Variants in POMK observed in about 807,000 individuals in gnomAD.
The protein encoded by POMK is protein O-mannose kinase, also known as Sugen kinase 196.
In POMK, 19 loss-of-function variants were observed where a neutral mutation model predicts 23.0. The observed-to-expected ratio is 0.83, with a 90% CI of 0.58 to 1.21. The LOEUF is 1.21. Ranked by LOEUF, POMK falls within the 50% of genes most tolerant of loss-of-function variation. The pLI is 0.00. For synonymous variants in POMK, 173 were observed against 171.6 expected (o/e 1.01, Z -0.06); for missense variants, 410 against 431.3 (o/e 0.95, Z 0.44).
Position 43,096,234 on chromosome 8 carries a change from G to T in POMK, c.-209-1290G>T, listed in dbSNP as rs1420618140. ...AAGCTCAGGGGCCAGAGAGTGTGGT[G>T]CAGGGAGGGTTTAGGGAAGCAGATA... On this transcript the variant is annotated intron_variant, in intron 1 of 4. Coordinates refer to ENST00000331373, the MANE Select transcript of POMK (RefSeq NM_032237.5). Among the ~76,000 whole-genome samples the T allele has an allele frequency of 2.0e-5, 3 of 152,306 alleles. No homozygotes were observed. The East Asian group carries it at 5.8e-4, about 29-fold the overall frequency.
At chr8:43,111,169 T>C (rs887661661) in intron 4 of POMK, among the ~76,000 whole-genome samples, 3 of 152,148 alleles carry the variant, frequency 2.0e-5, no homozygotes, top group African/African-American at 4.8e-5. Flanking sequence ...GTCCCTTTTC[T>C]AGTCAAAGAA....
At chr8:43,116,935 T>C (rs1811812019) in intron 4 of POMK, among the ~76,000 whole-genome samples, 1 of 151,806 alleles carries the variant, frequency 6.6e-6, no homozygotes, top group Non-Finnish European at 1.5e-5. Flanking sequence ...GCCATTTTTA[T>C]AAGATTTGGG....
At chr8:43,104,992 G>A (rs986714616) in intron 4 of POMK, among the ~76,000 whole-genome samples, 1 of 151,890 alleles carries the variant, frequency 6.6e-6, no homozygotes, top group African/African-American at 2.4e-5. Context: ...GGGGATTATG[G>A]GCAATTTCTT....
At chr8:43,103,965 G>A (rs769643751) in intron 4 of POMK, 135 bp downstream of exon 4, 33 of 871,866 alleles carry the variant, frequency 3.8e-5, no homozygotes, top group Non-Finnish European at 5.6e-5. Context: ...CATTGCATAT[G>A]TGCACCACAT....
At chr8:43,106,068 A>G (rs568394823) in intron 4 of POMK, among the ~76,000 whole-genome samples, 30 of 152,342 alleles carry the variant, frequency 2.0e-4, no homozygotes, top group Admixed American at 1.6e-3. Flanking sequence ...CGGAACCTCC[A>G]TACTGTTTTC....
At chr8:43,100,034 A>T (rs1811406430) in intron 2 of POMK, among the ~76,000 whole-genome samples, 2 of 152,144 alleles carry the variant, frequency 1.3e-5, no homozygotes, top group Non-Finnish European at 2.9e-5. Context: ...TATCTTCATC[A>T]GAGGGACAGA....
chr8:43,108,352 G>A (rs1811585550), intron 4 of POMK, among the ~76,000 whole-genome samples: 1 of 152,210 alleles, frequency 6.6e-6, no homozygotes, highest in African/African-American at 2.4e-5. Context: ...GTTTTCAATA[G>A]TGTCCTGTTA....
At chr8:43,110,874 C>T (rs373735177) in intron 4 of POMK, among the ~76,000 whole-genome samples, 10 of 151,860 alleles carry the variant, frequency 6.6e-5, no homozygotes, top group Admixed American at 3.3e-4. Flanking sequence ...GAGCCGAGAT[C>T]GCGCCATTGC....
intron 2 of POMK, among the ~76,000 whole-genome samples, chr8:43,100,192 G>A (rs1373587094): frequency 6.6e-6 from 1 of 152,118 alleles, no homozygotes; most frequent in African/African-American, 2.4e-5. Context: ...TGGTGGAGCC[G>A]GGAGAGACTG....
At chr8:43,100,250 G>T (rs1811410743) in intron 2 of POMK, among the ~76,000 whole-genome samples, 2 of 152,172 alleles carry the variant, frequency 1.3e-5, no homozygotes, top group Admixed American at 1.3e-4. Context: ...AGAGCATGTG[G>T]TGATGAGCCT....
chr8:43,093,776 T>C (rs553222739), intron 1 of POMK, among the ~76,000 whole-genome samples: 1 of 152,292 alleles, frequency 6.6e-6, no homozygotes, highest in African/African-American at 2.4e-5. Context: ...CCCTGCGCGG[T>C]AGCGGGACGT....
chr8:43,098,544 T>A (rs1200693936), intron 2 of POMK, among the ~76,000 whole-genome samples: 5 of 152,234 alleles, frequency 3.3e-5, no homozygotes, highest in Non-Finnish European at 1.5e-5. Flanking sequence ...TTGTTTCCAC[T>A]GTTTGGCAGT....
chr8:43,097,033 T>G (rs1209538788), intron 1 of POMK, among the ~76,000 whole-genome samples: 1 of 152,178 alleles, frequency 6.6e-6, no homozygotes, highest in African/African-American at 2.4e-5. Flanking sequence ...GGCAGGAGGA[T>G]CACTTGAGTC....
intron 4 of POMK, among the ~76,000 whole-genome samples, chr8:43,116,615 A>G (rs993525785): frequency 2.6e-5 from 4 of 152,192 alleles, no homozygotes; most frequent in African/African-American, 9.7e-5. Context: ...AAAGGATCTC[A>G]TAGGTAATAC....
At chr8:43,110,401 T>G (rs1811627614) in intron 4 of POMK, among the ~76,000 whole-genome samples, 1 of 152,240 alleles carries the variant, frequency 6.6e-6, no homozygotes, top group Non-Finnish European at 1.5e-5. Context: ...AGGCAAGTTG[T>G]ACAGTAAGAG....
intron 4 of POMK, among the ~76,000 whole-genome samples, chr8:43,116,612 C>A (rs78798611): frequency 0.033 from 5,065 of 152,212 alleles, 140 homozygotes; most frequent in Non-Finnish European, 0.052. Flanking sequence ...AATAAAGGAT[C>A]TCATAGGTAA....
At chr8:43,109,151 G>A (rs1811599630) in intron 4 of POMK, among the ~76,000 whole-genome samples, 1 of 152,132 alleles carries the variant, frequency 6.6e-6, no homozygotes, top group Admixed American at 6.5e-5. Flanking sequence ...TGAAAGGTTT[G>A]TTAAATACCA....
chr8:43,114,676 A>G (rs1334511347), intron 4 of POMK, among the ~76,000 whole-genome samples: 1 of 152,236 alleles, frequency 6.6e-6, no homozygotes, highest in Non-Finnish European at 1.5e-5. Context: ...CTCAGATGGA[A>G]ATGCAGAAAT....
intron 4 of POMK, among the ~76,000 whole-genome samples, chr8:43,105,885 A>G (rs550128677): frequency 1.3e-5 from 2 of 151,474 alleles, no homozygotes; most frequent in Non-Finnish European, 2.9e-5. Flanking sequence ...CTGGTCTTGA[A>G]CTCCTGACCT....
Sources: gnomAD v4.1 joint callset for allele counts (sites outside exome capture counted in the v4.1 genomes callset) on GRCh38, gnomAD v4.1.1 for gene constraint, MANE v1.5 for transcripts, NCBI Gene and HGNC (gene_info 2026-07-23, HGNC 2026-07-21) for gene names.